The following FGA variants were observed in gnomAD, a reference collection of about 807,000 sequenced individuals.
FGA encodes fibrinogen, A alpha polypeptide.
A neutral mutation model predicts 20.3 loss-of-function variants in FGA; 20 were observed. That is an observed-to-expected ratio of 0.99 (90% CI 0.69 to 1.43). The LOEUF (loss-of-function observed/expected upper bound fraction) is 1.43. FGA is among the 40% of genes most tolerant of loss of function. The pLI is 0.00. For synonymous variants in FGA, 306 were observed against 281.6 expected, an observed-to-expected ratio of 1.09 and a Z score of -0.87; for missense variants, 777 against 784.7, an observed-to-expected ratio of 0.99 and a Z score of 0.12.
rs1208077350 is a variant in FGA at position 154,588,919 on chromosome 4, C to A, written c.238G>T (p.Asp80Tyr). ...AGCTTATTTATTCTGTTTGTAAAAT[C>A]TTGATTGACTTCATCAATCAACCCT... ...MKGLIDEVNQ[D>Y]FTNRINKLKN... The change falls in exon 3 of 5, where the codon GAT becomes TAT. Residue 80 changes from aspartate to tyrosine, a missense_variant. Asp to Tyr is a radical substitution (Grantham distance 160). Transcript: ENST00000403106. 6.2e-7 allele frequency: 1 copy of A among 1,613,348 alleles called. No individual in the cohort carries two copies. The highest frequency in any genetic ancestry group is 1.1e-5 in the South Asian group (1 of 91,040).
chr4:154,589,246 A>G (rs1271499383), intron 2 of FGA, among the ~76,000 whole-genome samples, 191 bp downstream of exon 2: 1 of 152,184 alleles, frequency 6.6e-6, no homozygotes, highest in Non-Finnish European at 1.5e-5. Flanking sequence ...CTGTTCACCC[A>G]CTAATGATCC....
rs763292984 is a variant in FGA, at chr4:154,585,567, C to T, written c.1862G>A (p.Arg621Lys). Residue 621 changes from arginine to lysine, a missense_variant, in exon 5 of 5, where the codon AGA becomes AAA. Arg to Lys is a conservative substitution (Grantham distance 26). Coordinates refer to ENST00000403106, the MANE Select transcript of FGA (RefSeq NM_021871.4). ...ADHEGTHSTK[R>K]GHAKSRPVRG... ...GACAGGGCGAGATTTAGCATGGCCTCTCTTGGTGCTATGTGTTCCTTCATG... is the reference window on the plus strand; with the variant it reads ...GACAGGGCGAGATTTAGCATGGCCTTTCTTGGTGCTATGTGTTCCTTCATG... 9.9e-6 allele frequency: 16 copies of T among 1,614,078 alleles called. No homozygotes were observed. In the South Asian group the frequency reaches 1.8e-4, roughly 18 times the overall value.
intron 2 of FGA, 67 bp downstream of exon 2, chr4:154,589,370 G>T (rs1446194269): frequency 8.8e-6 from 14 of 1,595,508 alleles, no homozygotes; most frequent in Non-Finnish European, 1.1e-5. Flanking sequence ...GGACCAATCA[G>T]GTCAGCCTGT....
Position 154,586,056 on chromosome 4 carries a change from C to T in FGA, c.1373G>A (p.Arg458His), listed in dbSNP as rs780354544. The T allele has an allele frequency of 2.9e-5, 46 of 1,613,988 alleles. No homozygotes were observed. Among genetic ancestry groups the T allele is most frequent in the Admixed American group, 1.0e-4 (6 of 59,992 alleles). The change falls in exon 5 of 5, where the codon CGT becomes CAT. Residue 458 changes from arginine (R) to histidine (H), a missense_variant. Arg to His is a conservative substitution (Grantham distance 29). Transcript: ENST00000403106. ...KVTSGSTTTT[R>H]RSCSKTVTKT... ...AGTAACGGTTTTAGAGCATGAACGA[C>T]GCGTGGTGGTTGTGCTACCAGAGGT...
At chr4:154,583,604 A>G (rs979639530), downstream of FGA, 5 of 153,042 alleles carry the variant, frequency 3.3e-5, no homozygotes, top group Non-Finnish European at 7.3e-5. Flanking sequence ...GATTTGCTCC[A>G]TAGCAAAAGA....
At chr4:154,589,874 A>C (rs937234890) in intron 1 of FGA, among the ~76,000 whole-genome samples, 1 of 152,216 alleles carries the variant, frequency 6.6e-6, no homozygotes, top group Admixed American at 6.5e-5. Context: ...AAATTATTTG[A>C]ATCTATAAAA....
In FGA at chr4:154,586,675, T is replaced by C; in HGVS notation, c.754A>G (p.Thr252Ala). The C allele has an allele frequency of 6.2e-7, 1 of 1,614,226 alleles. No individual in the cohort carries two copies. The highest frequency in any genetic ancestry group is 1.1e-5 in the South Asian group (1 of 91,080). ...TCCATTCTCATCTGCGGCATGTCTG[T>C]TAATGCCTTCCACTCTGGGGGTACC... The part of the protein sequence containing the change: ...QKVPPEWKAL[T>A]DMPQMRMELE... The change falls in exon 5 of 5, where the codon ACA becomes GCA. Residue 252 changes from threonine (T) to alanine (A), a missense_variant. Coordinates refer to ENST00000403106, the MANE Select transcript of FGA (RefSeq NM_021871.4).
downstream of FGA, chr4:154,584,551 CT>C: frequency 6.2e-7 from 1 of 1,614,184 alleles, no homozygotes; most frequent in Non-Finnish European, 8.5e-7. Context: ...TAATTCAACC[CT>C]AAGAACAGAG....
chr4:154,586,423 A>G lies in FGA; in HGVS notation c.1006T>C (p.Ser336Pro). ...GTACTTCCAGTTCCAGAGCTCCCAG[A>G]GTTCCAGCTTCCAGTACTTCCAGGT... ...SGPGSTGSWN[S>P]GSSGTGSTGN... Residue 336 changes from serine to proline, a missense_variant, in exon 5 of 5, where the codon TCT becomes CCT. By Grantham distance (74) the Ser-to-Pro change is moderately conservative (BLOSUM62 -1). Transcript: ENST00000403106. 6.2e-7 allele frequency: 1 copy of G among 1,611,470 alleles called. No individual in the cohort carries two copies. The highest frequency in any genetic ancestry group is 8.5e-7 in the Non-Finnish European group (1 of 1,178,642).
chr4:154,584,444 T>G (rs775334799), downstream of FGA: 1 of 1,614,048 alleles, frequency 6.2e-7, no homozygotes, highest in African/African-American at 1.3e-5. Context: ...TCACCCGCAG[T>G]GCCTTCATAG....
At chr4:154,588,637 C>T (rs1449549404) in intron 3 of FGA, among the ~76,000 whole-genome samples, 156 bp downstream of exon 3, 1 of 152,140 alleles carries the variant, frequency 6.6e-6, no homozygotes, top group African/African-American at 2.4e-5. Context: ...AAAACAAAAG[C>T]TCCCTCTTAA....
downstream of FGA, chr4:154,584,695 T>C: frequency 2.5e-6 from 4 of 1,614,152 alleles, no homozygotes; most frequent in Non-Finnish European, 3.4e-6. Flanking sequence ...ATCCATTCTT[T>C]GCTGGATCAA....
At chr4:154,584,233 T>C (rs1316252409), downstream of FGA, 5 of 1,614,008 alleles carry the variant, frequency 3.1e-6, no homozygotes, top group Non-Finnish European at 4.2e-6. Flanking sequence ...AGGACTGTTA[T>C]TCCTTGGGTC....
downstream of FGA, chr4:154,585,175 C>T (rs368730433): frequency 5.0e-6 from 6 of 1,199,932 alleles, 1 homozygote; most frequent in Admixed American, 3.5e-5. Context: ...GAGACACATA[C>T]TAAAAATGTG....
chr4:154,583,621 T>C (rs1730637879), downstream of FGA: 1 of 155,148 alleles, frequency 6.4e-6, no homozygotes, highest in Non-Finnish European at 1.4e-5. Context: ...AAGACATAAA[T>C]ACATATTGTA....
downstream of FGA, chr4:154,584,321 C>G (rs1453722602): frequency 6.2e-7 from 1 of 1,614,132 alleles, no homozygotes; most frequent in South Asian, 1.1e-5. Context: ...CCCCCATAGA[C>G]TTCTGCACAG....
rs1730849094 is a variant in FGA, at chr4:154,590,728, C to A, written c.-41G>T. The A allele has an allele frequency of 6.8e-7, 1 of 1,476,670 alleles. No homozygotes were observed. The highest frequency in any genetic ancestry group is 1.2e-5 in the South Asian group (1 of 82,532). 91.5% of individuals were successfully genotyped at this position (1,476,670 alleles called of 1,614,324 possible). A position where few individuals can be genotyped will look rare whatever the true frequency, so the allele number is the denominator to read the frequency against. Reference sequence around the variant, plus strand: ...GGCTGGCTCCTGAGGAGCACTCCAGCTGAAAGAAAGGATTGCTGCCACTCC... The same window carrying A: ...GGCTGGCTCCTGAGGAGCACTCCAGATGAAAGAAAGGATTGCTGCCACTCC... On this transcript the variant is annotated 5_prime_UTR_variant, in exon 1 of 5. Transcript: ENST00000403106.
chr4:154,588,942 C>G lies in FGA; in HGVS notation c.215G>C (p.Gly72Ala). Residue 72 changes from glycine to alanine, a missense_variant, in exon 3 of 5, where the codon GGG (glycine) becomes GCG (alanine). By Grantham distance (60) the Gly-to-Ala change is moderately conservative. Coordinates refer to ENST00000403106, the MANE Select transcript of FGA (RefSeq NM_021871.4). ...ATCTTGATTGACTTCATCAATCAACCCTTTCATCCTGCAGCCAGAAGGGCA... is the reference window on the plus strand; with the variant it reads ...ATCTTGATTGACTTCATCAATCAACGCTTTCATCCTGCAGCCAGAAGGGCA... ...YKCPSGCRMK[G>A]LIDEVNQDFT... 1 of 1,613,642 alleles carries G rather than the reference C, an allele frequency of 6.2e-7. No individual in the cohort carries two copies. The highest frequency in any genetic ancestry group is 1.3e-5 in the African/African-American group (1 of 74,996).
At position 154,590,548 on chromosome 4, in the gene FGA, A is replaced by G. The variant is rs369985635; in HGVS notation, c.54+86T>C. Reference sequence around the variant, plus strand: ...CATAAAGCTAAGAGTGTGTCAGGACATAGAGCAGGTAGACTCTGACCTCCA... The same window carrying G: ...CATAAAGCTAAGAGTGTGTCAGGACGTAGAGCAGGTAGACTCTGACCTCCA... On this transcript the variant is annotated intron_variant, in intron 1 of 4. Coordinates refer to ENST00000403106, the MANE Select transcript of FGA (RefSeq NM_021871.4). The G allele has an allele frequency of 1.1e-5, 12 of 1,142,352 alleles. No individual in the cohort carries two copies. The South Asian group carries it at 1.2e-4, about 11-fold the overall frequency. 70.8% of individuals were successfully genotyped at this position (1,142,352 alleles called of 1,614,324 possible).
Sources: allele counts gnomAD v4.1 joint callset (sites outside exome capture counted in the v4.1 genomes callset), GRCh38; gene constraint gnomAD v4.1.1; transcripts MANE v1.5; gene names NCBI Gene and HGNC (gene_info 2026-07-23, HGNC 2026-07-21).